Variants in EYS observed in about 807,000 individuals in gnomAD.
EYS encodes the protein protein eyes shut homolog.
Under a neutral mutation model 282.1 loss-of-function variants are expected in EYS, and 250 were observed. That is an observed-to-expected ratio of 0.89 (90% CI 0.80 to 0.98). EYS has a LOEUF of 0.98. Ranked by LOEUF, EYS falls within the 50% of genes least tolerant of loss-of-function variation. EYS has a pLI of 0.00. For missense variants in EYS, 4,016 were observed against 3,709.0 expected (o/e 1.08, Z -2.15); for synonymous variants, 1,355 against 1,282.9 (o/e 1.06, Z -1.20).
chr6:64,403,682 G>C (rs1390902365), intron 28 of EYS, among the ~76,000 whole-genome samples: 1 of 152,066 alleles, frequency 6.6e-6, no homozygotes. Flanking sequence ...AATTTAATTT[G>C]CTAGATACTT....
rs80335991 is a variant in EYS, at chr6:63,998,669, A to G, written c.6834+406T>C. On this transcript the variant is annotated intron_variant, in intron 34 of 42. Coordinates refer to ENST00000503581, the MANE Select transcript of EYS (RefSeq NM_001142800.2). ...GTTTCTAAGAGAAATTTTCTGGCCA[A>G]TGCAAATCTGGAAGACTGGGAACGG... Among the ~76,000 whole-genome samples, 391 of 152,298 alleles carry G rather than the reference A, an allele frequency of 2.6e-3. 1 individual carries two copies. The highest frequency in any genetic ancestry group is 8.9e-3 in the African/African-American group (370 of 41,580).
At chr6:64,120,357 TAAAAAAA>T (rs34632243) in intron 31 of EYS, among the ~76,000 whole-genome samples, 13 of 76,764 alleles carry the variant, frequency 1.7e-4, no homozygotes, top group Admixed American at 9.9e-4. Flanking sequence ...CTCCATCTCT[TAAAAAAA>T]AAAAAAAAAA....
chr6:63,984,676 G>A, intron 34 of EYS, 73 bp from the exon 35 acceptor site: 4 of 1,175,404 alleles, frequency 3.4e-6, no homozygotes, highest in Admixed American at 2.1e-5. Context: ...AGGATGTTTG[G>A]TTCTGTAATT....
chr6:64,124,670 C>T (rs566197032), intron 31 of EYS, among the ~76,000 whole-genome samples: 4 of 152,174 alleles, frequency 2.6e-5, no homozygotes, highest in South Asian at 2.1e-4. Flanking sequence ...CAAAAATTTT[C>T]GTGTGTTAGG....
In EYS at chr6:64,901,921, T is replaced by C. The variant is rs57706332; in HGVS notation, c.2846+192A>G. Among the ~76,000 whole-genome samples the C allele has an allele frequency of 0.088, 13,316 of 152,132 alleles. 683 individuals are homozygous for C. The highest frequency in any genetic ancestry group is 0.14 in the African/African-American group (5,844 of 41,488). ...TACAAATAGCACTATAAACTAACAG[T>C]AAGATTGGTAAATAAAAATTTGAGA... On this transcript the variant is annotated intron_variant, in intron 18 of 42. Coordinates refer to ENST00000503581, the MANE Select transcript of EYS (RefSeq NM_001142800.2).
rs550000870 is a variant in EYS, at chr6:64,890,356, T to C, written c.2847-3514A>G. On this transcript the variant is annotated intron_variant, in intron 18 of 42. Coordinates refer to ENST00000503581, the MANE Select transcript of EYS (RefSeq NM_001142800.2). ...TGTAACCCACACCTATTCGCACACT[T>C]CCTCCCCTTTGAAAATCCCTAATAA... Among the ~76,000 whole-genome samples the C allele has an allele frequency of 2.6e-5, 4 of 152,074 alleles. No homozygotes were observed. The South Asian group carries it at 8.3e-4, about 31-fold the overall frequency.
At chr6:65,255,692 AGAT>A (rs1323435789) in intron 12 of EYS, among the ~76,000 whole-genome samples, 1 of 152,112 alleles carries the variant, frequency 6.6e-6, no homozygotes, top group Non-Finnish European at 1.5e-5. Flanking sequence ...AAAATTAGGC[AGAT>A]GATCTGAACA....
At chr6:64,912,445 T>A (rs1768028698) in intron 16 of EYS, 39 bp downstream of exon 16, 1 of 1,525,312 alleles carries the variant, frequency 6.6e-7, no homozygotes, top group African/African-American at 1.4e-5. Flanking sequence ...ACTAATTAAG[T>A]AATTATTTAA....
chr6:65,690,548 G>A (rs1222095035), intron 1 of EYS, among the ~76,000 whole-genome samples: 1 of 150,046 alleles, frequency 6.7e-6, no homozygotes, highest in Non-Finnish European at 1.5e-5. Context: ...AGCACATCAC[G>A]CGCTGTTGGC....
chr6:65,346,607 A>T (rs1026188440), intron 9 of EYS, among the ~76,000 whole-genome samples: 1 of 151,746 alleles, frequency 6.6e-6, no homozygotes, highest in African/African-American at 2.4e-5. Flanking sequence ...CGAGGGGATC[A>T]ATTTAGGAGA....
At chr6:63,758,929 A>G (rs1046781464) in intron 41 of EYS, among the ~76,000 whole-genome samples, 1 of 152,064 alleles carries the variant, frequency 6.6e-6, no homozygotes, top group Non-Finnish European at 1.5e-5. Flanking sequence ...ACCAAGTCCT[A>G]TTTGTAGAAA....
intron 22 of EYS, among the ~76,000 whole-genome samples, chr6:64,735,524 G>A (rs766140105): frequency 1.6e-4 from 25 of 151,862 alleles, no homozygotes; most frequent in Non-Finnish European, 2.5e-4. Flanking sequence ...CACAAAATTT[G>A]AAAAAAATTG....
At chr6:63,777,834 T>C in intron 40 of EYS, 172 bp downstream of exon 40, 1 of 617,532 alleles carries the variant, frequency 1.6e-6, no homozygotes, top group Non-Finnish European at 2.9e-6. Context: ...GTGCTGATCC[T>C]ATTTTTAGTT....
In EYS at chr6:64,802,030, T is replaced by TGTG. The variant is rs1275688544; in HGVS notation, c.3443+11347_3443+11348insCAC. 5.5e-4 allele frequency among the ~76,000 whole-genome samples: 64 copies of TGTG among 115,860 alleles called. 2 individuals carry two copies. The highest frequency in any genetic ancestry group is 2.1e-3 in the African/African-American group (63 of 30,206). The allele number at this position is 115,860 out of a possible 152,430, so 76.0% of individuals were successfully genotyped here. ...TATAACAAATTTCTTTTTCTTTTTT[T>TGTG]TTCTTTTTTTTTTTTTTTTTTGAGA... On this transcript the variant is annotated intron_variant, in intron 22 of 42. Transcript: ENST00000503581.
At chr6:63,906,748 AT>A (rs1439957768) in intron 35 of EYS, among the ~76,000 whole-genome samples, 2 of 152,194 alleles carry the variant, frequency 1.3e-5, no homozygotes, top group African/African-American at 2.4e-5. Flanking sequence ...TGTTTAGCTC[AT>A]TGAGAATGAT....
intron 34 of EYS, among the ~76,000 whole-genome samples, chr6:63,993,612 G>A (rs1213906123): frequency 1.3e-5 from 2 of 151,348 alleles, no homozygotes; most frequent in East Asian, 3.9e-4. Context: ...ACTTAAGAGG[G>A]CAAAAAACAT....
At chr6:65,442,474 G>T (rs910906910) in intron 5 of EYS, among the ~76,000 whole-genome samples, 3 of 151,844 alleles carry the variant, frequency 2.0e-5, no homozygotes, top group African/African-American at 7.3e-5. Flanking sequence ...AAATGAATAG[G>T]CCAGGCACAG....
Position 63,930,172 on chromosome 6 carries a change from A to G in EYS, c.7055+54211T>C, listed in dbSNP as rs150866021. Among the ~76,000 whole-genome samples the G allele has an allele frequency of 1.5e-3, 233 of 152,286 alleles. 1 individual carries two copies. The highest frequency in any genetic ancestry group is 5.4e-3 in the African/African-American group (223 of 41,556). ...AAGTATGTGAAGTGATGGATGTATT[A>G]CTTAGCCTGATGTATTCAGTCCACA... is the stretch of plus-strand genomic sequence containing the variant. On this transcript the variant is annotated intron_variant, in intron 35 of 42. Coordinates refer to ENST00000503581, the MANE Select transcript of EYS (RefSeq NM_001142800.2).
chr6:65,238,208 T>G (rs2150273666), intron 12 of EYS, among the ~76,000 whole-genome samples: 1 of 151,016 alleles, frequency 6.6e-6, no homozygotes, highest in East Asian at 1.9e-4. Flanking sequence ...TCAAATACTA[T>G]TATGTAAAGA....
Sources: allele counts gnomAD v4.1 joint callset (sites outside exome capture counted in the v4.1 genomes callset), GRCh38; gene constraint gnomAD v4.1.1; transcripts MANE v1.5; gene names NCBI Gene and HGNC (gene_info 2026-07-23, HGNC 2026-07-21).